The following PADI6 variants were observed in gnomAD, a reference collection of about 807,000 sequenced individuals.
PADI6 encodes inactive protein-arginine deiminase type-6.
PADI6 carries 66 observed loss-of-function variants against 78.2 expected under a neutral mutation model. The observed-to-expected ratio is 0.84, with a 90% CI of 0.69 to 1.04. The LOEUF is 1.04. PADI6 is among the 50% of genes least tolerant of loss of function. The pLI is 0.00. For synonymous variants in PADI6, 397 were observed against 346.9 expected (o/e 1.14, Z -1.60); for missense variants, 854 against 866.1 (o/e 0.99, Z 0.18).
intron 6 of PADI6, among the ~76,000 whole-genome samples, chr1:17,386,026 G>A (rs1405322948): frequency 4.1e-5 from 6 of 146,940 alleles, no homozygotes; most frequent in Non-Finnish European, 9.0e-5. Flanking sequence ...AGCAGAGGCT[G>A]GAGGGAGCCC....
chr1:17,401,215 T>C lies in PADI6; in HGVS notation c.1862T>C (p.Ile621Thr). ...CTGTCTTTCTAACAGTTGCGGATGA[T>C]TGTGATGGGCAAGAACCTGGGGATC... ...RPYFPDLLRM[I>T]VMGKNLGIPK... The change falls in exon 16 of 16, where the codon ATT becomes ACT. Residue 621 changes from isoleucine to threonine, a missense_variant. By Grantham distance (89) the Ile-to-Thr change is moderately conservative. Coordinates refer to ENST00000619609, the MANE Select transcript of PADI6 (RefSeq NM_207421.4). The C allele has an allele frequency of 1.2e-6, 2 of 1,613,914 alleles. No individual in the cohort carries two copies. Among genetic ancestry groups the C allele is most frequent in the Non-Finnish European group, 1.7e-6 (2 of 1,179,836 alleles).
At chr1:17,382,233 C>CTT in intron 6 of PADI6, 141 bp downstream of exon 6, 1 of 1,133,996 alleles carries the variant, frequency 8.8e-7, no homozygotes, top group Non-Finnish European at 1.2e-6. Context: ...TGTGGCTGTA[C>CTT]TTGTGTTTCC....
intron 4 of PADI6, 99 bp from the exon 5 acceptor site, chr1:17,380,948 G>GA (rs2075066679): frequency 1.0e-6 from 1 of 988,382 alleles, no homozygotes; most frequent in Non-Finnish European, 1.5e-6. Flanking sequence ...CTGTACCCTG[G>GA]AGAAAGGCTT....
At chr1:17,373,722 C>T (rs2074986910) in intron 2 of PADI6, among the ~76,000 whole-genome samples, 1 of 152,130 alleles carries the variant, frequency 6.6e-6, no homozygotes, top group Non-Finnish European at 1.5e-5. Flanking sequence ...AAACTCCTGA[C>T]TTCAAGTGAT....
chr1:17,397,637 G>T (rs1486981708), intron 14 of PADI6, among the ~76,000 whole-genome samples: 1 of 152,044 alleles, frequency 6.6e-6, no homozygotes, highest in Non-Finnish European at 1.5e-5. Context: ...CAAGCATTTT[G>T]CGAGATACCT....
intron 9 of PADI6, 92 bp downstream of exon 9, chr1:17,392,317 C>CAGG (rs2075194834): frequency 1.1e-6 from 1 of 947,110 alleles, no homozygotes; most frequent in Admixed American, 2.4e-5. Context: ...TTCTGGTTAA[C>CAGG]CTTAAAGACC....
intron 6 of PADI6, 120 bp from the exon 7 acceptor site, chr1:17,388,261 A>G (rs2075142720): frequency 1.4e-5 from 13 of 946,022 alleles, no homozygotes; most frequent in Non-Finnish European, 2.0e-5. Flanking sequence ...TTTCAGCTCC[A>G]GCCCTCCTGG....
Position 17,395,120 on chromosome 1 carries a change from G to A in PADI6, c.1494+13G>A, listed in dbSNP as rs754087683. The A allele has an allele frequency of 1.2e-6, 2 of 1,611,692 alleles. No homozygotes were observed. Among genetic ancestry groups the A allele is most frequent in the Admixed American group, 3.3e-5 (2 of 59,810 alleles). ...TGAGGGCAAAAAGGTCTGCTTTGGG[G>A]TCTGGAGAAGGGACATCTGACCCTT... On this transcript the variant is annotated intron_variant, in intron 12 of 15. Transcript: ENST00000619609.
rs2075068797 is a variant in PADI6 at position 17,381,163 on chromosome 1, G to A, written c.552G>A (p.Glu184=). The A allele has an allele frequency of 3.8e-6, 6 of 1,594,306 alleles. No homozygotes were observed. The highest frequency in any genetic ancestry group is 5.1e-6 in the Non-Finnish European group (6 of 1,170,190). ...DKKTKKVIFS[E]EITNLSQMTL... is the part of the protein sequence containing the mutation. ...AAACCAAGAAAGTGATCTTTTCAGA[G>A]GGTAGGACCTCAGACTGTCTCTGCC... The change falls in exon 5 of 16, where the codon GAG becomes GAA. Residue 184 remains glutamate (E), a splice_region_variant and synonymous_variant. Transcript: ENST00000619609.
Position 17,394,285 on chromosome 1 carries a change from C to T in PADI6, c.1183-15C>T, listed in dbSNP as rs775979898. ...CCCTACTAACACCCCTTCCCTGGCT[C>T]GGTCTCTCCCCCAGAGCCCTGGTAT... On this transcript the variant is annotated splice_polypyrimidine_tract_variant and intron_variant, in intron 10 of 15. Transcript: ENST00000619609. 92 of 1,609,562 alleles carry T rather than the reference C, an allele frequency of 5.7e-5. No homozygotes were observed. The highest frequency in any genetic ancestry group is 1.2e-4 in the African/African-American group (9 of 74,844).
chr1:17,397,240 G>A, intron 14 of PADI6, 99 bp downstream of exon 14: 1 of 1,313,452 alleles, frequency 7.6e-7, no homozygotes, highest in East Asian at 2.5e-5. Flanking sequence ...TGAAGTGTTG[G>A]GCGGCGGGGG....
chr1:17,400,906 GGA>G (rs1462267344), intron 15 of PADI6, among the ~76,000 whole-genome samples: 2 of 152,328 alleles, frequency 1.3e-5, no homozygotes, highest in East Asian at 3.9e-4. Context: ...GCGGGGGTGG[GGA>G]GAGTGTTTCA....
intron 6 of PADI6, among the ~76,000 whole-genome samples, chr1:17,385,507 C>T (rs1017258306): frequency 6.6e-6 from 1 of 151,798 alleles, no homozygotes; most frequent in Non-Finnish European, 1.5e-5. Context: ...CATAGGTGAG[C>T]GAAACAGATC....
chr1:17,375,399 C>T, intron 2 of PADI6, 28 bp from the exon 3 acceptor site: 1 of 1,598,786 alleles, frequency 6.3e-7, no homozygotes, highest in Non-Finnish European at 8.5e-7. Flanking sequence ...CCAACACTGC[C>T]TATGGTTTCG....
In PADI6 at chr1:17,399,739, A is replaced by AG. The variant is rs1553154633; in HGVS notation, c.1851+892_1851+893insG. ...GAGACCCTGCAACTTTAAAAAAAAG[A>AG]AAAAAAAAATGCTGGGGCCAGGGTG... On this transcript the variant is annotated intron_variant, in intron 15 of 15. Coordinates refer to ENST00000619609, the MANE Select transcript of PADI6 (RefSeq NM_207421.4). 1.1e-3 allele frequency among the ~76,000 whole-genome samples: 151 copies of AG among 138,302 alleles called. 2 individuals are homozygous for AG. The Middle Eastern group carries it at 0.026, about 23-fold the overall frequency. The allele number at this position is 138,302 out of a possible 152,430, so 90.7% of individuals were successfully genotyped here.
rs527740866 is a variant in PADI6, at chr1:17,379,259, G to A, written c.368-661G>A. Among the ~76,000 whole-genome samples, 42 of 149,086 alleles carry A rather than the reference G, an allele frequency of 2.8e-4. No homozygotes were observed. In the South Asian group the frequency reaches 8.2e-3, roughly 29 times the overall value. Reference sequence around the variant, plus strand: ...CTCCCGAGAAGCTGGGACTACAGGCGCCCGCCACCTCGCCCGGCTAATTTT... The same window carrying A: ...CTCCCGAGAAGCTGGGACTACAGGCACCCGCCACCTCGCCCGGCTAATTTT... On this transcript the variant is annotated intron_variant, in intron 3 of 15. Transcript: ENST00000619609.
At chr1:17,389,040 A>G (rs1462092181) in intron 8 of PADI6, among the ~76,000 whole-genome samples, 160 bp downstream of exon 8, 1 of 152,224 alleles carries the variant, frequency 6.6e-6, no homozygotes, top group East Asian at 1.9e-4. Flanking sequence ...AGACAGTCCA[A>G]TACATGCCTG....
At chr1:17,394,890 G>T (rs1374208722) in intron 11 of PADI6, 61 bp from the exon 12 acceptor site, 1 of 1,488,980 alleles carries the variant, frequency 6.7e-7, no homozygotes, top group East Asian at 2.5e-5. Context: ...GACACCAAGT[G>T]GCGGGTGACC....
chr1:17,392,426 C>A (rs914837170), intron 9 of PADI6, among the ~76,000 whole-genome samples: 5 of 152,220 alleles, frequency 3.3e-5, no homozygotes, highest in African/African-American at 1.2e-4. Context: ...TAGAGTCCAG[C>A]CTCCTTCCCA....
Sources: allele counts gnomAD v4.1 joint callset (sites outside exome capture counted in the v4.1 genomes callset), GRCh38; gene constraint gnomAD v4.1.1; transcripts MANE v1.5; gene names NCBI Gene and HGNC (gene_info 2026-07-23, HGNC 2026-07-21).